Variants in CYP2J2 observed in about 807,000 individuals in gnomAD.
CYP2J2 encodes the protein cytochrome P450 2J2.
A neutral mutation model predicts 48.8 loss-of-function variants in CYP2J2; 41 were observed. The ratio of observed to expected loss-of-function variants is 0.84; its 90% CI spans 0.66 to 1.09. The LOEUF (loss-of-function observed/expected upper bound fraction) is 1.09, where lower values mean the gene tolerates loss of function less well. Ranked by LOEUF, CYP2J2 falls within the 50% of genes least tolerant of loss-of-function variation. The pLI is 0.00. For synonymous variants in CYP2J2, 221 were observed against 227.1 expected, an observed-to-expected ratio of 0.97 and a Z score of 0.24; for missense variants, 644 against 617.3, an observed-to-expected ratio of 1.04 and a Z score of -0.46.
chr1:59,942,495 C>T, the CYP2J2 span, among the ~76,000 whole-genome samples: 2 of 152,062 alleles, frequency 1.3e-5, no homozygotes, highest in Non-Finnish European at 2.9e-5. Flanking sequence ...GGATAGACAT[C>T]AGGTAGGACA....
intron 5 of CYP2J2, among the ~76,000 whole-genome samples, chr1:59,909,099 A>T (rs1644389054): frequency 6.6e-6 from 1 of 152,174 alleles, no homozygotes; most frequent in African/African-American, 2.4e-5. Context: ...AAAGGGCTGT[A>T]TTTGGGCATT....
chr1:59,912,158 T>G lies in CYP2J2; in HGVS notation c.523+4A>C. The G allele has an allele frequency of 6.2e-7, 1 of 1,611,650 alleles. No homozygotes were observed. The highest frequency in any genetic ancestry group is 8.5e-7 in the Non-Finnish European group (1 of 1,178,836). On this transcript the variant is annotated splice_donor_region_variant and intron_variant, in intron 3 of 8. Transcript: ENST00000371204. ...CTCTCACCTCTGTCATATGCAATGC[T>G]CACCGTTCTCCTCTTTTATTGCTTC... is the stretch of plus-strand genomic sequence containing the variant.
At chr1:59,962,210 C>T in the CYP2J2 span, among the ~76,000 whole-genome samples, 1 of 152,074 alleles carries the variant, frequency 6.6e-6, no homozygotes, top group Non-Finnish European at 1.5e-5. Flanking sequence ...ATTTATCATA[C>T]AGAAATTGCT....
rs201151569 is a variant in CYP2J2, at chr1:59,904,586, G to A, written c.1191+285C>T. 2.8e-4 allele frequency: 84 copies of A among 303,514 alleles called. No individual in the cohort carries two copies. The East Asian group carries it at 6.0e-3, about 22-fold the overall frequency. The allele number at this position is 303,514 out of a possible 1,614,324, so 18.8% of individuals were successfully genotyped here. On this transcript the variant is annotated intron_variant, in intron 7 of 8. Transcript: ENST00000371204. ...AACTGCTGCCTGCCACGTGCCCACA[G>A]ACTCACAATGCACATTAGCATAGTA... is the stretch of plus-strand genomic sequence containing the variant.
the CYP2J2 span, among the ~76,000 whole-genome samples, chr1:59,939,410 C>T: frequency 6.6e-6 from 1 of 152,192 alleles, no homozygotes; most frequent in African/African-American, 2.4e-5. Flanking sequence ...CTCTTGTTCT[C>T]TGCTCTTAGT....
At chr1:59,939,910 G>C in the CYP2J2 span, among the ~76,000 whole-genome samples, 1 of 152,014 alleles carries the variant, frequency 6.6e-6, no homozygotes, top group East Asian at 1.9e-4. Context: ...TTTCCTTATG[G>C]CCTGAGGGCT....
intron 8 of CYP2J2, among the ~76,000 whole-genome samples, chr1:59,899,651 A>G (rs1029911828): frequency 6.6e-6 from 1 of 152,212 alleles, no homozygotes; most frequent in African/African-American, 2.4e-5. Flanking sequence ...TTTTTGATTA[A>G]TCTGGTTGAC....
At chr1:59,918,634 G>A (rs1264437399) in intron 1 of CYP2J2, among the ~76,000 whole-genome samples, 1 of 150,448 alleles carries the variant, frequency 6.6e-6, no homozygotes, top group East Asian at 1.9e-4. Flanking sequence ...GTAAGGCAGG[G>A]CACACTTTTC....
At chr1:59,897,241 T>A (rs1644277298) in intron 8 of CYP2J2, among the ~76,000 whole-genome samples, 2 of 152,188 alleles carry the variant, frequency 1.3e-5, no homozygotes, top group African/African-American at 4.8e-5. Flanking sequence ...CCCAAGATTA[T>A]CCTAAAAGAA....
In CYP2J2 at chr1:59,926,720, C is replaced by T; in HGVS notation, c.27G>A (p.Ala9=). The T allele has an allele frequency of 6.2e-7, 1 of 1,613,754 alleles. No homozygotes were observed. Among genetic ancestry groups the T allele is most frequent in the Non-Finnish European group, 8.5e-7 (1 of 1,179,834 alleles). MLAAMGSL[A]AALWAVVHPR... The stretch of plus-strand genomic sequence containing the variant: ...GATGGACCACTGCCCAGAGGGCAGC[C>T]GCCAGAGAGCCCATCGCCGCGAGCA... The change falls in exon 1 of 9, where the codon GCG becomes GCA. Residue 9 remains alanine, a synonymous_variant. Coordinates refer to ENST00000371204, the MANE Select transcript of CYP2J2 (RefSeq NM_000775.4).
the CYP2J2 span, among the ~76,000 whole-genome samples, chr1:59,940,655 C>T: frequency 6.6e-6 from 1 of 152,144 alleles, no homozygotes; most frequent in South Asian, 2.1e-4. Flanking sequence ...AAGATACCTG[C>T]ATTTGTATGT....
the CYP2J2 span, among the ~76,000 whole-genome samples, chr1:59,958,452 T>C: frequency 6.6e-6 from 1 of 152,158 alleles, no homozygotes; most frequent in African/African-American, 2.4e-5. Context: ...TGGTTACAGT[T>C]CTGTTAACTG....
chr1:59,956,030 C>A, the CYP2J2 span, among the ~76,000 whole-genome samples: 5 of 151,978 alleles, frequency 3.3e-5, no homozygotes, highest in Admixed American at 1.3e-4. Flanking sequence ...TTTATATATA[C>A]AGAGATGTAT....
intron 1 of CYP2J2, among the ~76,000 whole-genome samples, chr1:59,925,163 G>C (rs1217335849): frequency 6.6e-6 from 1 of 152,088 alleles, no homozygotes; most frequent in African/African-American, 2.4e-5. Flanking sequence ...AAAACTACTA[G>C]AACTGAATGG....
chr1:59,926,577 A>G lies in CYP2J2; in HGVS notation c.170T>C (p.Phe57Ser). The part of the protein sequence containing the change: ...PWRLPFLGNF[F>S]LVDFEQSHLE... Reference sequence around the variant, plus strand: ...GTGCGACTGCTCGAAGTCCACAAGGAAGAAGTTGCCAAGGAAGGGCAGGCG... The same window carrying G: ...GTGCGACTGCTCGAAGTCCACAAGGGAGAAGTTGCCAAGGAAGGGCAGGCG... The change falls in exon 1 of 9, where the codon TTC becomes TCC. Residue 57 changes from phenylalanine (F) to serine (S), a missense_variant. Coordinates refer to ENST00000371204, the MANE Select transcript of CYP2J2 (RefSeq NM_000775.4). The G allele has an allele frequency of 6.2e-7, 1 of 1,614,214 alleles. No homozygotes were observed. The highest frequency in any genetic ancestry group is 8.5e-7 in the Non-Finnish European group (1 of 1,180,028).
chr1:59,932,932 C>A, the CYP2J2 span, among the ~76,000 whole-genome samples: 1 of 152,104 alleles, frequency 6.6e-6, no homozygotes, highest in African/African-American at 2.4e-5. Flanking sequence ...AAGTCCTGAC[C>A]TCTAGTGATC....
intron 8 of CYP2J2, 117 bp downstream of exon 8, chr1:59,900,848 T>A (rs934868182): frequency 8.4e-7 from 1 of 1,188,806 alleles, no homozygotes; most frequent in Non-Finnish European, 1.2e-6. Flanking sequence ...ATGGAGTGAG[T>A]CGCACTGGCC....
rs1332099417 is a variant in CYP2J2 at position 59,909,912 on chromosome 1, G to T, written c.733C>A (p.Gln245Lys). ...WIMKFLPGPH[Q>K]TLFSNWKKLK... The stretch of plus-strand genomic sequence containing the variant: ...TTTTTCCAGTTGCTGAAGAGAGTTT[G>T]GTGGGGTCCAGGCAGGAATTTCATT... Residue 245 changes from glutamine (Q) to lysine (K), a missense_variant, in exon 5 of 9, where the codon CAA (glutamine) becomes AAA (lysine). Gln to Lys is a moderately conservative substitution (Grantham distance 53). Transcript: ENST00000371204. 3.7e-6 allele frequency: 6 copies of T among 1,611,030 alleles called. No individual in the cohort carries two copies. Among genetic ancestry groups the T allele is most frequent in the African/African-American group, 1.3e-5 (1 of 74,644 alleles).
At chr1:59,935,105 A>G in the CYP2J2 span, among the ~76,000 whole-genome samples, 60 of 145,282 alleles carry the variant, frequency 4.1e-4, no homozygotes, top group African/African-American at 1.3e-3. Context: ...GCCATTTTCA[A>G]CAACATGGAC....
Sources: gnomAD v4.1 joint callset for allele counts (sites outside exome capture counted in the v4.1 genomes callset) on GRCh38, gnomAD v4.1.1 for gene constraint, MANE v1.5 for transcripts, NCBI Gene and HGNC (gene_info 2026-07-23, HGNC 2026-07-21) for gene names.